The following ZFHX3 variants were observed in gnomAD, a reference collection of about 807,000 sequenced individuals.
ZFHX3 encodes the protein zinc finger homeobox protein 3.
ZFHX3 carries 42 observed loss-of-function variants against 279.1 expected under a neutral mutation model. The observed-to-expected ratio is 0.15, with a 90% confidence interval of 0.12 to 0.19. The LOEUF is 0.19. Among genes scored for constraint, ZFHX3 ranks in the 10% least tolerant of loss-of-function variants. The pLI is 1.00. For missense variants in ZFHX3, 4,981 were observed against 4,754.0 expected (o/e 1.05, Z -1.40); for synonymous variants, 2,293 against 1,957.8 (o/e 1.17, Z -4.52).
intron 3 of ZFHX3, among the ~76,000 whole-genome samples, chr16:73,343,406 T>C (rs1379768786): frequency 6.6e-6 from 1 of 152,112 alleles, no homozygotes; most frequent in Non-Finnish European, 1.5e-5. Flanking sequence ...AACATCTTGC[T>C]CCATAAAACA....
At chr16:73,047,010 C>A (rs144837757) in intron 1 of ZFHX3, among the ~76,000 whole-genome samples, 4 of 152,332 alleles carry the variant, frequency 2.6e-5, no homozygotes, top group Non-Finnish European at 5.9e-5. Context: ...ACACACCATG[C>A]GTGAGCTGCA....
intron 2 of ZFHX3, among the ~76,000 whole-genome samples, chr16:73,540,617 C>G (rs1219891413): frequency 6.6e-6 from 1 of 152,238 alleles, no homozygotes; most frequent in Non-Finnish European, 1.5e-5. Flanking sequence ...GTTGCATACA[C>G]AGTTTCCTTT....
At chr16:73,612,256 G>A (rs539235879) in intron 2 of ZFHX3, among the ~76,000 whole-genome samples, 1 of 152,092 alleles carries the variant, frequency 6.6e-6, no homozygotes, top group South Asian at 2.1e-4. Context: ...TTTAGTTAAA[G>A]AAAACTCAAC....
At chr16:73,680,472 G>A (rs768870139) in intron 1 of ZFHX3, among the ~76,000 whole-genome samples, 4 of 152,162 alleles carry the variant, frequency 2.6e-5, no homozygotes, top group African/African-American at 9.7e-5. Context: ...AAGAAAGCCT[G>A]TGCTCTCCCC....
chr16:73,143,525 T>G (rs548377535), intron 6 of ZFHX3, among the ~76,000 whole-genome samples: 2 of 152,312 alleles, frequency 1.3e-5, no homozygotes, highest in South Asian at 4.1e-4. Context: ...GCAAACCCAC[T>G]TTTCTAACTA....
intron 2 of ZFHX3, among the ~76,000 whole-genome samples, chr16:73,568,922 TAAG>T (rs1385156129): frequency 2.6e-5 from 4 of 152,044 alleles, no homozygotes; most frequent in South Asian, 4.2e-4. Context: ...GCCTCCGAGA[TAAG>T]AAGATTACAG....
chr16:73,276,217 C>T (rs1242086282), intron 4 of ZFHX3, among the ~76,000 whole-genome samples: 6 of 138,956 alleles, frequency 4.3e-5, no homozygotes, highest in Non-Finnish European at 9.2e-5. Flanking sequence ...GAGTTTCGCT[C>T]TTGTTACCCA....
intron 1 of ZFHX3, among the ~76,000 whole-genome samples, chr16:73,022,517 C>T (rs947918000): frequency 2.0e-5 from 3 of 152,176 alleles, no homozygotes; most frequent in Admixed American, 6.5e-5. Context: ...TTAGGAGCAT[C>T]CCTGGCCTCT....
At chr16:73,797,970 C>A (rs1349649490) in intron 1 of ZFHX3, among the ~76,000 whole-genome samples, 1 of 152,020 alleles carries the variant, frequency 6.6e-6, no homozygotes, top group African/African-American at 2.4e-5. Flanking sequence ...CTATATCCAG[C>A]CAATTTTTGT....
At chr16:72,849,043 C>T (rs2037547440) in intron 4 of ZFHX3, among the ~76,000 whole-genome samples, 1 of 152,086 alleles carries the variant, frequency 6.6e-6, no homozygotes, top group African/African-American at 2.4e-5. Context: ...TTTCGTCTAG[C>T]AAAATTTTTC....
At chr16:73,705,520 G>T (rs1378478395) in intron 1 of ZFHX3, among the ~76,000 whole-genome samples, 1 of 152,170 alleles carries the variant, frequency 6.6e-6, no homozygotes, top group Non-Finnish European at 1.5e-5. Context: ...CAATTCCTGA[G>T]TGGCCATATT....
chr16:73,166,598 G>A (rs909978828), intron 5 of ZFHX3, among the ~76,000 whole-genome samples: 2 of 152,092 alleles, frequency 1.3e-5, no homozygotes, highest in African/African-American at 4.8e-5. Flanking sequence ...GGCAGGGAGG[G>A]GGTCTGCTGC....
At chr16:73,653,853 G>GA (rs1466526074) in intron 2 of ZFHX3, among the ~76,000 whole-genome samples, 1 of 151,890 alleles carries the variant, frequency 6.6e-6, no homozygotes, top group Non-Finnish European at 1.5e-5. Context: ...TATGAAGAAT[G>GA]AAACAGAATA....
intron 1 of ZFHX3, among the ~76,000 whole-genome samples, chr16:73,018,284 G>A (rs528213267): frequency 1.5e-4 from 22 of 151,244 alleles, no homozygotes; most frequent in Non-Finnish European, 2.7e-4. Context: ...GAGCATACAC[G>A]CCTGGCCATG....
intron 5 of ZFHX3, among the ~76,000 whole-genome samples, chr16:73,251,899 G>GCACA (rs111248287): frequency 1.5e-5 from 1 of 66,440 alleles, no homozygotes; most frequent in Non-Finnish European, 2.7e-5. Flanking sequence ...CACACACCAT[G>GCACA]CACACACACA....
chr16:73,533,402 C>G (rs2019841902), intron 2 of ZFHX3, among the ~76,000 whole-genome samples: 1 of 149,612 alleles, frequency 6.7e-6, no homozygotes, highest in South Asian at 2.2e-4. Flanking sequence ...ATACTAGATC[C>G]TATTCGTGCC....
upstream of ZFHX3, chr16:73,060,712 C>T (rs538074686): frequency 9.9e-5 from 15 of 152,184 alleles, no homozygotes; most frequent in African/African-American, 3.6e-4. Flanking sequence ...AATGTAAAAA[C>T]AACATTTATG....
intron 3 of ZFHX3, among the ~76,000 whole-genome samples, chr16:72,935,668 G>T (rs928595886): frequency 2.0e-5 from 3 of 151,700 alleles, no homozygotes; most frequent in Admixed American, 1.3e-4. Flanking sequence ...CGGGAGGGGG[G>T]GGTTGCAGTG....
At chr16:72,950,018 T>C (rs1960903092) in intron 3 of ZFHX3, among the ~76,000 whole-genome samples, 1 of 138,206 alleles carries the variant, frequency 7.2e-6, no homozygotes, top group Non-Finnish European at 1.5e-5. Context: ...GGTGGAATGA[T>C]GGATGGATGA....
Sources: allele counts gnomAD v4.1 joint callset (sites outside exome capture counted in the v4.1 genomes callset), GRCh38; gene constraint gnomAD v4.1.1; transcripts MANE v1.5; gene names NCBI Gene and HGNC (gene_info 2026-07-23, HGNC 2026-07-21).